The following SCART1 variants were observed in gnomAD, a reference collection of about 807,000 sequenced individuals.
SCART1 encodes the protein scavenger receptor cysteine-rich domain-containing protein SCART1.
Under a neutral mutation model 36.2 loss-of-function variants are expected in SCART1, and 62 were observed. The ratio of observed to expected loss-of-function variants is 1.71; its 90% CI spans 1.40 to 2.12. SCART1 has a LOEUF of 2.12. Ranked by LOEUF, SCART1 falls within the 30% of genes most tolerant of loss-of-function variation. The pLI is 0.00. For missense variants in SCART1, 1,041 were observed against 540.5 expected, an observed-to-expected ratio of 1.93 and a Z score of -9.18; for synonymous variants, 487 against 238.7, an observed-to-expected ratio of 2.04 and a Z score of -9.59.
chr10:133,462,890 G>A (rs952758678), intron 6 of SCART1, among the ~76,000 whole-genome samples: 2 of 152,194 alleles, frequency 1.3e-5, no homozygotes, highest in African/African-American at 4.8e-5. Context: ...GTGAGAGGGT[G>A]TGGAAACAGG....
chr10:133,459,237 G>A, exon 5 of SCART1: 1 of 693,774 alleles, frequency 1.4e-6, no homozygotes, highest in Admixed American at 2.0e-5. Context: ...CACTGTGAGG[G>A]GACAGAGTCC....
chr10:133,466,549 G>A (rs1850768058), intron 10 of SCART1, among the ~76,000 whole-genome samples, 168 bp downstream of exon 10: 1 of 152,216 alleles, frequency 6.6e-6, no homozygotes, highest in Non-Finnish European at 1.5e-5. Flanking sequence ...GAAAGAGGCA[G>A]ACAAATCCAG....
intron 6 of SCART1, among the ~76,000 whole-genome samples, chr10:133,460,704 G>C (rs1850692310): frequency 6.6e-6 from 1 of 151,000 alleles, no homozygotes; most frequent in South Asian, 2.1e-4. Flanking sequence ...GCTGGCTTCA[G>C]ATTCTTAATT....
exon 1 of SCART1, chr10:133,453,984 A>T: frequency 1.4e-6 from 1 of 702,982 alleles, no homozygotes; most frequent in Non-Finnish European, 2.6e-6. Context: ...TGAAGCCCAG[A>T]GGGCTGTGGG....
exon 6 of SCART1, chr10:133,459,771 G>A (rs867400261): frequency 1.3e-5 from 9 of 680,338 alleles, no homozygotes; most frequent in Middle Eastern, 4.7e-4. Flanking sequence ...GGAGCCCGCG[G>A]GGACCTCGCG....
chr10:133,465,363 C>G (rs1850752959), exon 9 of SCART1: 1 of 678,726 alleles, frequency 1.5e-6, no homozygotes, highest in Non-Finnish European at 2.7e-6. Context: ...ACCTGGCGGA[C>G]GCGGAGGTCG....
rs891030923 is a variant in SCART1 at position 133,465,572 on chromosome 10, G to C, written c.2659+7G>C. 12 of 572,042 alleles carry C rather than the reference G, an allele frequency of 2.1e-5. No individual in the cohort carries two copies. The highest frequency in any genetic ancestry group is 1.0e-4 in the Admixed American group (3 of 29,354). The allele number at this position is 572,042 out of a possible 1,614,324, so 35.4% of individuals were successfully genotyped here. Reference sequence around the variant, plus strand: ...GCGGGCGTGCGCTGCTGGGGTGAGTGGGGGGCGGTGGGAAGTCGGTCATGG... The same window carrying C: ...GCGGGCGTGCGCTGCTGGGGTGAGTCGGGGGCGGTGGGAAGTCGGTCATGG... On this transcript the variant is annotated splice_region_variant and intron_variant, in intron 9 of 11. Transcript: ENST00000640237.
chr10:133,458,714 C>T, intron 4 of SCART1, 58 bp downstream of exon 4: 1 of 693,120 alleles, frequency 1.4e-6, no homozygotes, highest in Non-Finnish European at 2.6e-6. Flanking sequence ...CTGTCAAATC[C>T]CTTCGTGCCC....
At chr10:133,464,717 C>A (rs11101764) in exon 7 of SCART1, 6 of 701,158 alleles carry the variant, frequency 8.6e-6, no homozygotes, top group Non-Finnish European at 1.6e-5. Flanking sequence ...AAGGACCTCT[C>A]CTTGTCCATC....
exon 6 of SCART1, chr10:133,459,587 C>T (rs1318484446): frequency 1.0e-5 from 7 of 675,088 alleles, no homozygotes; most frequent in South Asian, 3.2e-5. Context: ...TGGACGATGC[C>T]TGGGACCTGC....
chr10:133,462,557 G>C (rs1850714471), intron 6 of SCART1, among the ~76,000 whole-genome samples: 1 of 152,214 alleles, frequency 6.6e-6, no homozygotes, highest in African/African-American at 2.4e-5. Flanking sequence ...AATTAATGCT[G>C]AGTAACCAGC....
At chr10:133,465,198 T>G (rs1307257884) in intron 8 of SCART1, 24 bp downstream of exon 8, 35 of 702,726 alleles carry the variant, frequency 5.0e-5, no homozygotes, top group Admixed American at 2.4e-4. Flanking sequence ...CTTGTCGCTG[T>G]CCTCCTTCCC....
At chr10:133,456,579 C>A in intron 2 of SCART1, 25 bp downstream of exon 2, 1 of 632,974 alleles carries the variant, frequency 1.6e-6, no homozygotes, top group Non-Finnish European at 2.9e-6. Context: ...GTGAAGGGGA[C>A]GGGGCTGAGG....
At chr10:133,458,931 C>A (rs1850656928) in intron 4 of SCART1, 90 bp from the exon 5 acceptor site, 1 of 623,998 alleles carries the variant, frequency 1.6e-6, no homozygotes, top group African/African-American at 1.8e-5. Flanking sequence ...CTGTGCCCAT[C>A]CCACTGGGTG....
chr10:133,467,940 C>T (rs561360433), exon 12 of SCART1: 39 of 697,676 alleles, frequency 5.6e-5, no homozygotes, highest in Middle Eastern at 2.3e-4. Context: ...GACGAGGCTG[C>T]GTTTCCTCTG....
chr10:133,454,993 G>A lies in SCART1; in HGVS notation c.67+929G>A, dbSNP rs572715091. Among the ~76,000 whole-genome samples the A allele has an allele frequency of 6.6e-5, 10 of 152,300 alleles. No homozygotes were observed. The East Asian group carries it at 1.7e-3, about 26-fold the overall frequency. On this transcript the variant is annotated intron_variant, in intron 1 of 11. Coordinates refer to ENST00000640237, the Ensembl canonical transcript of SCART1. ...AAATGAAAAGCTATTCATAGCGGGC[G>A]TGGTGGCTTATGGCTGTAATCCCAG...
intron 1 of SCART1, 73 bp from the exon 2 acceptor site, chr10:133,456,164 C>T: frequency 1.5e-6 from 1 of 652,840 alleles, no homozygotes; most frequent in Non-Finnish European, 2.8e-6. Context: ...CCGTTCCCTG[C>T]TGCCGCGGCT....
intron 1 of SCART1, 60 bp from the exon 2 acceptor site, chr10:133,456,177 C>A: frequency 1.5e-6 from 1 of 661,648 alleles, no homozygotes; most frequent in South Asian, 1.7e-5. Flanking sequence ...CCGCGGCTGC[C>A]ATCTCCTCCT....
At chr10:133,464,804 G>A (rs1051031293) in exon 7 of SCART1, 32 of 702,542 alleles carry the variant, frequency 4.6e-5, no homozygotes, top group Non-Finnish European at 7.5e-5. Context: ...TGCGGGCACC[G>A]GGACCGCCTG....
Sources: gnomAD v4.1 joint callset for allele counts (sites outside exome capture counted in the v4.1 genomes callset) on GRCh38, gnomAD v4.1.1 for gene constraint, MANE v1.5 for transcripts, NCBI Gene and HGNC (gene_info 2026-07-23, HGNC 2026-07-21) for gene names.